GRM7: variants seen among roughly 807,000 people sequenced by gnomAD.
GRM7 encodes the protein metabotropic glutamate receptor 7.
Under a neutral mutation model 84.5 loss-of-function variants are expected in GRM7, and 35 were observed. That is an observed-to-expected ratio of 0.41 (90% CI 0.32 to 0.55). The LOEUF is 0.55. GRM7 is among the 20% of genes least tolerant of loss of function. The pLI, the probability that GRM7 is intolerant of heterozygous loss-of-function variation, is 0.19. For synonymous variants in GRM7, 487 were observed against 455.1 expected (o/e 1.07, Z -0.89); for missense variants, 1,003 against 1,194.6 (o/e 0.84, Z 2.36).
chr3:7,488,254 C>A (rs1699394355), intron 7 of GRM7, among the ~76,000 whole-genome samples: 1 of 152,072 alleles, frequency 6.6e-6, no homozygotes, highest in African/African-American at 2.4e-5. Flanking sequence ...CATGTTAAGA[C>A]TTTGGGGACT....
rs114513973 is a variant in GRM7, at chr3:7,018,561, G to T, written c.520-127891G>T. Among the ~76,000 whole-genome samples, 861 of 152,344 alleles carry T rather than the reference G, an allele frequency of 5.7e-3. 7 individuals are homozygous for T. The highest frequency in any genetic ancestry group is 0.019 in the African/African-American group (803 of 41,578). On this transcript the variant is annotated intron_variant, in intron 1 of 9. Transcript: ENST00000357716. ...TAAGGACCAAGCAAGTCCCACGGGG[G>T]TCCCTTGCAGAGGCATCAAAGAAGG...
intron 8 of GRM7, among the ~76,000 whole-genome samples, chr3:7,673,517 T>TTA (rs1553635292): frequency 1.7e-4 from 24 of 141,546 alleles, no homozygotes; most frequent in African/African-American, 5.7e-4. Flanking sequence ...CAGTGACAGT[T>TTA]AAAAAAAAAA....
At position 7,078,371 on chromosome 3, in the gene GRM7, CAT is replaced by C. The variant is rs138539961; in HGVS notation, c.520-68079_520-68078del. Among the ~76,000 whole-genome samples the C allele has an allele frequency of 4.8e-3, 730 of 152,272 alleles. 8 individuals carry two copies. Among genetic ancestry groups the C allele is most frequent in the African/African-American group, 0.017 (701 of 41,568 alleles). On this transcript the variant is annotated intron_variant, in intron 1 of 9. Coordinates refer to ENST00000357716, the MANE Select transcript of GRM7 (RefSeq NM_000844.4). Reference sequence around the variant, plus strand: ...CAAGCCCCTTGGGGTATTTGCGTATCATAGTTGGAGAAGCACGGGGACAGATG... The same window carrying C: ...CAAGCCCCTTGGGGTATTTGCGTATCAGTTGGAGAAGCACGGGGACAGATG...
intron 5 of GRM7, among the ~76,000 whole-genome samples, chr3:7,426,788 A>AG (rs1696628978): frequency 6.6e-6 from 1 of 152,204 alleles, no homozygotes; most frequent in South Asian, 2.1e-4. Flanking sequence ...GGCTTACAGT[A>AG]GGAGTTTAAC....
intron 1 of GRM7, among the ~76,000 whole-genome samples, chr3:7,024,031 A>G (rs1695881609): frequency 6.6e-6 from 1 of 152,192 alleles, no homozygotes; most frequent in Non-Finnish European, 1.5e-5. Context: ...AAACCAGGGC[A>G]GCAGGCCCAC....
chr3:7,470,369 G>C (rs368300800), intron 7 of GRM7, among the ~76,000 whole-genome samples: 3 of 152,246 alleles, frequency 2.0e-5, no homozygotes, highest in East Asian at 3.9e-4. Context: ...CTGAAAGAGA[G>C]GACTGCCTTA....
intron 9 of GRM7, among the ~76,000 whole-genome samples, chr3:7,694,647 T>C (rs569098227): frequency 6.6e-6 from 1 of 152,266 alleles, no homozygotes; most frequent in South Asian, 2.1e-4. Context: ...TTAAACACAC[T>C]CAGTTTTCAT....
At position 7,146,510 on chromosome 3, in the gene GRM7, ACTT is replaced by A; in HGVS notation, c.584_586del (p.Phe195del). The A allele has an allele frequency of 1.2e-6, 2 of 1,613,814 alleles. No individual in the cohort carries two copies. Among genetic ancestry groups the A allele is most frequent in the Non-Finnish European group, 1.7e-6 (2 of 1,179,948 alleles). On this transcript the variant is annotated inframe_deletion, in exon 2 of 10. Coordinates refer to ENST00000357716, the MANE Select transcript of GRM7 (RefSeq NM_000844.4). ...GAGCTAAGTGATGACCGGCGCTATG[ACTT>A]CTTCTCTCGCGTGGTGCCACCCGAT...
chr3:7,131,790 T>C (rs1489098996), intron 1 of GRM7, among the ~76,000 whole-genome samples: 3 of 152,122 alleles, frequency 2.0e-5, no homozygotes, highest in Non-Finnish European at 4.4e-5. Context: ...CAGGCTATTC[T>C]GTGTATTTTA....
chr3:7,266,292 T>C (rs1698636057), intron 2 of GRM7, among the ~76,000 whole-genome samples: 1 of 152,352 alleles, frequency 6.6e-6, no homozygotes, highest in Non-Finnish European at 1.5e-5. Context: ...AAAGTGTTAC[T>C]GTTCAAAAGA....
At chr3:6,888,880 T>C (rs1310677581) in intron 1 of GRM7, among the ~76,000 whole-genome samples, 1 of 152,146 alleles carries the variant, frequency 6.6e-6, no homozygotes, top group Non-Finnish European at 1.5e-5. Context: ...AATGTTCTTC[T>C]ATTTGTTTGT....
intron 4 of GRM7, among the ~76,000 whole-genome samples, chr3:7,328,571 C>G (rs781388377): frequency 2.0e-5 from 3 of 152,068 alleles, no homozygotes; most frequent in Non-Finnish European, 4.4e-5. Flanking sequence ...GTCAACCTGG[C>G]AAGGACAATA....
chr3:7,464,482 A>G (rs541998444), intron 7 of GRM7, among the ~76,000 whole-genome samples: 4 of 152,282 alleles, frequency 2.6e-5, no homozygotes, highest in South Asian at 4.1e-4. Context: ...AATTCATTAC[A>G]AAGAGAGATA....
rs1190683832 is a variant in GRM7 at position 7,195,588 on chromosome 3, T to A, written c.736+48920T>A. Among the ~76,000 whole-genome samples the A allele has an allele frequency of 2.0e-5, 3 of 152,120 alleles. No individual in the cohort carries two copies. The East Asian group carries it at 5.8e-4, about 29-fold the overall frequency. ...CATGGAATTAAATTGGCTTCAAAAG[T>A]GTTTTATTTTAGTGATTTCTCCAGT... On this transcript the variant is annotated intron_variant, in intron 2 of 9. Transcript: ENST00000357716.
intron 2 of GRM7, among the ~76,000 whole-genome samples, chr3:7,266,252 T>A (rs950681167): frequency 1.3e-5 from 2 of 152,200 alleles, no homozygotes; most frequent in African/African-American, 4.8e-5. Flanking sequence ...AAACCCACTT[T>A]TTATGGCTAG....
intron 1 of GRM7, among the ~76,000 whole-genome samples, chr3:6,875,069 A>G (rs1445516088): frequency 2.6e-5 from 4 of 152,158 alleles, no homozygotes; most frequent in Non-Finnish European, 5.9e-5. Context: ...ATCTGGCAGG[A>G]CTTCTGCAAA....
intron 9 of GRM7, among the ~76,000 whole-genome samples, chr3:7,711,597 A>C (rs1701579637): frequency 6.6e-6 from 1 of 152,166 alleles, no homozygotes; most frequent in South Asian, 2.1e-4. Flanking sequence ...CCGTTATAGC[A>C]TTTCTCAAAG....
At chr3:7,333,033 C>G (rs1701270363) in intron 4 of GRM7, among the ~76,000 whole-genome samples, 1 of 152,146 alleles carries the variant, frequency 6.6e-6, no homozygotes, top group Admixed American at 6.6e-5. Flanking sequence ...AGTGCCACCT[C>G]CTGGCTGGAG....
At chr3:7,123,625 G>GA (rs980564809) in intron 1 of GRM7, among the ~76,000 whole-genome samples, 70 of 141,058 alleles carry the variant, frequency 5.0e-4, no homozygotes, top group South Asian at 9.0e-4. Flanking sequence ...TCAGAAAAAA[G>GA]AAAAAAAAAA....
Sources: gnomAD v4.1 joint callset for allele counts (sites outside exome capture counted in the v4.1 genomes callset) on GRCh38, gnomAD v4.1.1 for gene constraint, MANE v1.5 for transcripts, NCBI Gene and HGNC (gene_info 2026-07-23, HGNC 2026-07-21) for gene names.